CHD6: variants seen among roughly 807,000 people sequenced by gnomAD.
CHD6 encodes the protein chromodomain helicase DNA binding protein 6.
A neutral mutation model predicts 276.9 loss-of-function variants in CHD6; 50 were observed. That is an observed-to-expected ratio of 0.18 (90% CI 0.14 to 0.23). CHD6 has a LOEUF of 0.23. Ranked by LOEUF, CHD6 falls within the 10% of genes least tolerant of loss-of-function variation. CHD6 has a pLI of 1.00. For synonymous variants in CHD6, 1,173 were observed against 1,229.3 expected (o/e 0.95, Z 0.96); for missense variants, 2,564 against 3,365.8 (o/e 0.76, Z 5.89).
intron 31 of CHD6, among the ~76,000 whole-genome samples, chr20:41,418,380 A>G (rs2047072578): frequency 6.6e-6 from 1 of 152,208 alleles, no homozygotes; most frequent in South Asian, 2.1e-4. Flanking sequence ...GGGAGCTCCC[A>G]TGAAGATGAG....
chr20:41,423,448 T>G, intron 30 of CHD6, 44 bp downstream of exon 30: 1 of 1,566,912 alleles, frequency 6.4e-7, no homozygotes, highest in South Asian at 1.1e-5. Context: ...AATCAGAATG[T>G]TCTTTCCTTG....
At position 41,451,049 on chromosome 20, in the gene CHD6, G is replaced by A. The variant is rs1203630198; in HGVS notation, c.3580C>T (p.Leu1194=). Residue 1194 remains leucine (L), a synonymous_variant, in exon 23 of 37, where the codon CTA becomes TTA. Coordinates refer to ENST00000373233, the MANE Select transcript of CHD6 (RefSeq NM_032221.5). ...RKGKKTKNQL[L]IPELKDADWL... is the part of the protein sequence containing the mutation. ...TCTGCATCCTTTAGCTCTGGGATTA[G>A]CAACTGGTTCTTCGTCTTCTTCCCC... is the stretch of plus-strand genomic sequence containing the variant. The A allele has an allele frequency of 1.3e-5, 21 of 1,613,862 alleles. No homozygotes were observed. Among genetic ancestry groups the A allele is most frequent in the Non-Finnish European group, 1.8e-5 (21 of 1,179,842 alleles).
At chr20:41,579,241 CCCGA>C (rs980025475) in intron 1 of CHD6, among the ~76,000 whole-genome samples, 2 of 150,396 alleles carry the variant, frequency 1.3e-5, no homozygotes, top group African/African-American at 4.9e-5. Context: ...TCGAGACCAG[CCCGA>C]CCAACAGTGG....
At chr20:41,587,928 C>G (rs546076792) in intron 1 of CHD6, among the ~76,000 whole-genome samples, 1 of 152,110 alleles carries the variant, frequency 6.6e-6, no homozygotes, top group Admixed American at 6.5e-5. Flanking sequence ...TAGGAGTAAA[C>G]GCTGAGAAGT....
chr20:41,566,271 T>C (rs1400311351), intron 1 of CHD6, among the ~76,000 whole-genome samples: 1 of 152,134 alleles, frequency 6.6e-6, no homozygotes, highest in Non-Finnish European at 1.5e-5. Context: ...GTACTCTCCC[T>C]GACAGATTGC....
intron 2 of CHD6, among the ~76,000 whole-genome samples, chr20:41,535,937 T>A (rs573956022): frequency 1.3e-5 from 2 of 152,312 alleles, no homozygotes; most frequent in African/African-American, 2.4e-5. Context: ...CAGTTCTTGA[T>A]GAAAAAGCAG....
Position 41,451,823 on chromosome 20 carries a change from C to T in CHD6, c.3523+3G>A. ...TCTTAGGCATGGCCCTGCCACCTCTCACCTGAGTGGTTCTGGAGGGTCTGG... is the reference window on the plus strand; with the variant it reads ...TCTTAGGCATGGCCCTGCCACCTCTTACCTGAGTGGTTCTGGAGGGTCTGG... On this transcript the variant is annotated splice_donor_region_variant and intron_variant, in intron 22 of 36. Transcript: ENST00000373233. 6.2e-7 allele frequency: 1 copy of T among 1,614,052 alleles called. No individual in the cohort carries two copies.
intron 17 of CHD6, among the ~76,000 whole-genome samples, chr20:41,466,175 C>T (rs1440002782): frequency 6.6e-6 from 1 of 152,144 alleles, no homozygotes; most frequent in Non-Finnish European, 1.5e-5. Context: ...GCACTCCAGC[C>T]TGGGTAACAC....
intron 25 of CHD6, among the ~76,000 whole-genome samples, chr20:41,444,527 T>C (rs895974072): frequency 6.6e-6 from 1 of 152,210 alleles, no homozygotes; most frequent in African/African-American, 2.4e-5. Flanking sequence ...ACCTGAAGCC[T>C]GCATTCTCAA....
chr20:41,486,375 T>C (rs899612765), intron 14 of CHD6: 2 of 152,138 alleles, frequency 1.3e-5, no homozygotes, highest in Non-Finnish European at 2.9e-5. Flanking sequence ...ACAAATTAAG[T>C]GCAATGGGAG....
At chr20:41,531,461 C>T (rs953515178) in intron 3 of CHD6, among the ~76,000 whole-genome samples, 1 of 152,172 alleles carries the variant, frequency 6.6e-6, no homozygotes, top group South Asian at 2.1e-4. Flanking sequence ...AAATTATTTG[C>T]AGAGGCTGAA....
intron 1 of CHD6, among the ~76,000 whole-genome samples, chr20:41,576,133 G>A (rs943598206): frequency 2.0e-5 from 3 of 152,028 alleles, no homozygotes; most frequent in Non-Finnish European, 2.9e-5. Context: ...AAATGATTCA[G>A]GAAATGTTTT....
At chr20:41,470,919 G>C (rs1024673068) in intron 17 of CHD6, among the ~76,000 whole-genome samples, 2 of 152,198 alleles carry the variant, frequency 1.3e-5, no homozygotes, top group Admixed American at 6.5e-5. Context: ...ATCGCTTCAG[G>C]CATGTCCAGC....
At chr20:41,582,068 T>C (rs1474194966) in intron 1 of CHD6, among the ~76,000 whole-genome samples, 1 of 152,104 alleles carries the variant, frequency 6.6e-6, no homozygotes, top group Non-Finnish European at 1.5e-5. Context: ...CCAAAAACTG[T>C]TGGTGGGAGG....
At chr20:41,606,316 CCTGG>C (rs1357553886) in intron 1 of CHD6, among the ~76,000 whole-genome samples, 21 of 152,248 alleles carry the variant, frequency 1.4e-4, no homozygotes, top group African/African-American at 4.8e-4. Flanking sequence ...TCAAGACCAC[CCTGG>C]CTAACACGGT....
chr20:41,425,465 G>C, intron 28 of CHD6, 71 bp from the exon 29 acceptor site: 1 of 1,422,954 alleles, frequency 7.0e-7, no homozygotes, highest in Non-Finnish European at 9.7e-7. Context: ...TTTTGGTTTT[G>C]TTTAAATAAA....
intron 3 of CHD6, among the ~76,000 whole-genome samples, chr20:41,525,267 C>A (rs184723787): frequency 2.0e-5 from 3 of 152,304 alleles, no homozygotes; most frequent in Admixed American, 1.3e-4. Context: ...GGAGCCCTAG[C>A]CCCTTCCCCA....
chr20:41,456,944 G>A (rs949988398), intron 18 of CHD6, among the ~76,000 whole-genome samples: 7 of 152,184 alleles, frequency 4.6e-5, no homozygotes, highest in African/African-American at 1.7e-4. Context: ...TCTGAGGTAT[G>A]AGATAAGGCA....
At chr20:41,424,889 G>A (rs1441348931) in intron 29 of CHD6, among the ~76,000 whole-genome samples, 1 of 152,186 alleles carries the variant, frequency 6.6e-6, no homozygotes, top group African/African-American at 2.4e-5. Flanking sequence ...ACATTCCATT[G>A]TGGTGTTTCT....
Sources: allele counts gnomAD v4.1 joint callset (sites outside exome capture counted in the v4.1 genomes callset), GRCh38; gene constraint gnomAD v4.1.1; transcripts MANE v1.5; gene names NCBI Gene and HGNC (gene_info 2026-07-23, HGNC 2026-07-21).